The following SUCLG2 variants were observed in gnomAD, a reference collection of about 807,000 sequenced individuals.
The protein encoded by SUCLG2 is succinate-CoA ligase GDP-forming subunit beta, also known as succinate--CoA ligase [GDP-forming] subunit beta, mitochondrial.
In SUCLG2, 42 loss-of-function variants were observed where a neutral mutation model predicts 47.9. The observed-to-expected ratio is 0.88, with a 90% CI of 0.69 to 1.14. The LOEUF (loss-of-function observed/expected upper bound fraction) is 1.14, where lower values mean the gene tolerates loss of function less well. Among genes scored for constraint, SUCLG2 ranks in the 50% most tolerant of loss-of-function variants. SUCLG2 has a pLI of 0.00. For missense variants in SUCLG2, 571 were observed against 525.9 expected (o/e 1.09, Z -0.84); for synonymous variants, 195 against 197.3 (o/e 0.99, Z 0.10).
intron 9 of SUCLG2, among the ~76,000 whole-genome samples, chr3:67,412,890 A>G (rs1222969834): frequency 2.0e-4 from 30 of 152,132 alleles, no homozygotes; most frequent in Non-Finnish European, 8.8e-5. Flanking sequence ...ATTTTGACCA[A>G]CCCAGCTTGC....
chr3:67,439,589 A>AC, intron 9 of SUCLG2, among the ~76,000 whole-genome samples: 1 of 151,726 alleles, frequency 6.6e-6, no homozygotes, highest in East Asian at 1.9e-4. Context: ...ATACACCAAT[A>AC]ACAAACAGAG....
chr3:67,502,259 T>C (rs11928150), intron 7 of SUCLG2, among the ~76,000 whole-genome samples: 2,466 of 152,342 alleles, frequency 0.016, 81 homozygotes, highest in African/African-American at 0.056. Flanking sequence ...TGTTGAGAGT[T>C]TGGTAGGAGA....
intron 10 of SUCLG2, among the ~76,000 whole-genome samples, chr3:67,384,626 T>C (rs1702223662): frequency 6.6e-6 from 1 of 152,238 alleles, no homozygotes; most frequent in Non-Finnish European, 1.5e-5. Flanking sequence ...CATCTGGTGT[T>C]TCCCAGCTTG....
rs78528197 is a variant in SUCLG2, at chr3:67,500,929, T to G, written c.758-2634A>C. Among the ~76,000 whole-genome samples, 680 of 152,274 alleles carry G rather than the reference T, an allele frequency of 4.5e-3. 12 individuals carry two copies. In the East Asian group the frequency reaches 0.058, roughly 13 times the overall value. ...CTTCAGAGAGAGAATAATTAATGGG[T>G]ATGTATTCAAAGTTCAAAAGGCAAT... On this transcript the variant is annotated intron_variant, in intron 7 of 10. Coordinates refer to ENST00000307227, the MANE Select transcript of SUCLG2 (RefSeq NM_003848.4).
chr3:67,640,564 A>G (rs1701084725), intron 1 of SUCLG2, among the ~76,000 whole-genome samples: 1 of 151,162 alleles, frequency 6.6e-6, no homozygotes, highest in Admixed American at 6.6e-5. Context: ...TAGATTTTTT[A>G]CTCTCTTATA....
chr3:67,425,459 G>C (rs1400319392), intron 9 of SUCLG2, among the ~76,000 whole-genome samples: 1 of 152,154 alleles, frequency 6.6e-6, no homozygotes, highest in Non-Finnish European at 1.5e-5. Context: ...AGACTGAATA[G>C]AGAATACCCA....
At chr3:67,602,190 T>C (rs1469009367) in intron 2 of SUCLG2, among the ~76,000 whole-genome samples, 1 of 152,108 alleles carries the variant, frequency 6.6e-6, no homozygotes, top group East Asian at 1.9e-4. Context: ...ATAATATTTA[T>C]GAAATGCTCA....
At chr3:67,451,127 A>G (rs1575705219) in intron 9 of SUCLG2, among the ~76,000 whole-genome samples, 1 of 152,236 alleles carries the variant, frequency 6.6e-6, no homozygotes, top group East Asian at 1.9e-4. Flanking sequence ...ACACTGTCCA[A>G]TTTTTGCAGT....
chr3:67,579,201 T>C (rs1707819296), intron 2 of SUCLG2, among the ~76,000 whole-genome samples: 1 of 152,200 alleles, frequency 6.6e-6, no homozygotes, highest in Admixed American at 6.5e-5. Context: ...CATTTTACAA[T>C]TGAGTTTCCA....
chr3:67,476,834 A>T (rs1464970669), intron 9 of SUCLG2, among the ~76,000 whole-genome samples: 1 of 152,196 alleles, frequency 6.6e-6, no homozygotes, highest in Non-Finnish European at 1.5e-5. Context: ...GCAGTGGAAG[A>T]TAACAGGAAA....
In SUCLG2 at chr3:67,380,687, T is replaced by TAG. The variant is rs141848772; in HGVS notation, c.1184-4830_1184-4829dup. ...CTTGTTACAGAAGGGGAAAGGGGGG[T>TAG]AGAGAGAGAGAGAGGGAGATAGAGA... On this transcript the variant is annotated intron_variant, in intron 10 of 10. Transcript: ENST00000307227. Among the ~76,000 whole-genome samples, 744 of 85,044 alleles carry TAG rather than the reference T, an allele frequency of 8.7e-3. 3 individuals carry two copies. The highest frequency in any genetic ancestry group is 0.034 in the South Asian group (60 of 1,764). 55.8% of individuals were successfully genotyped at this position (85,044 alleles called of 152,430 possible). A position where few individuals can be genotyped will look rare whatever the true frequency, so the allele number is the denominator to read the frequency against.
intron 10 of SUCLG2, among the ~76,000 whole-genome samples, chr3:67,378,362 A>C (rs1479673489): frequency 2.0e-5 from 3 of 151,788 alleles, no homozygotes; most frequent in Non-Finnish European, 2.9e-5. Context: ...GCTCCCTTTA[A>C]CTCTTTTTTC....
At chr3:67,621,476 T>C (rs956344652) in intron 1 of SUCLG2, among the ~76,000 whole-genome samples, 1 of 152,190 alleles carries the variant, frequency 6.6e-6, no homozygotes, top group Non-Finnish European at 1.5e-5. Context: ...ACTGGCCTTA[T>C]AGTTTGAATG....
At chr3:67,397,777 A>G (rs1400609396) in intron 10 of SUCLG2, among the ~76,000 whole-genome samples, 3 of 152,208 alleles carry the variant, frequency 2.0e-5, no homozygotes, top group Non-Finnish European at 4.4e-5. Context: ...CTATACTACA[A>G]GGCTACAGTA....
chr3:67,645,493 A>T (rs1373690238), intron 1 of SUCLG2, among the ~76,000 whole-genome samples: 1 of 152,210 alleles, frequency 6.6e-6, no homozygotes, highest in African/African-American at 2.4e-5. Context: ...TAATCTGTTT[A>T]CAACTTCACC....
At chr3:67,642,916 C>CTGTGTGTGTGTGTGTGTGTG (rs1491202290) in intron 1 of SUCLG2, among the ~76,000 whole-genome samples, 3 of 120,028 alleles carry the variant, frequency 2.5e-5, no homozygotes, top group Admixed American at 9.2e-5. Context: ...CAGAAAAGGA[C>CTGTGTGTGTGTGTGTGTGTG]TCTGTGTGTG....
At chr3:67,431,620 C>T (rs1440951059) in intron 9 of SUCLG2, among the ~76,000 whole-genome samples, 1 of 152,040 alleles carries the variant, frequency 6.6e-6, no homozygotes, top group African/African-American at 2.4e-5. Flanking sequence ...CCATCATTCT[C>T]AGCAAACTAT....
chr3:67,416,487 T>C (rs922636036), intron 9 of SUCLG2, among the ~76,000 whole-genome samples: 1 of 152,150 alleles, frequency 6.6e-6, no homozygotes, highest in Non-Finnish European at 1.5e-5. Flanking sequence ...CTTTGGAAAA[T>C]GCTAGCTTTT....
chr3:67,647,650 C>A (rs1304439448), intron 1 of SUCLG2, among the ~76,000 whole-genome samples: 3 of 152,198 alleles, frequency 2.0e-5, no homozygotes, highest in Non-Finnish European at 4.4e-5. Context: ...ACTAAGTCAA[C>A]ACTGAGACAT....
Sources: allele counts gnomAD v4.1 joint callset (sites outside exome capture counted in the v4.1 genomes callset), GRCh38; gene constraint gnomAD v4.1.1; transcripts MANE v1.5; gene names NCBI Gene and HGNC (gene_info 2026-07-23, HGNC 2026-07-21).